ITGB4: variants seen among roughly 807,000 people sequenced by gnomAD.
ITGB4 encodes the protein integrin subunit beta 4, also known as integrin beta-4.
In ITGB4, 159 loss-of-function variants were observed where a neutral mutation model predicts 207.6. The ratio of observed to expected loss-of-function variants is 0.77; its 90% CI spans 0.67 to 0.87. ITGB4 has a LOEUF of 0.87. ITGB4 is among the 40% of genes least tolerant of loss of function. ITGB4 has a pLI of 0.00. For synonymous variants in ITGB4, 1,020 were observed against 1,062.7 expected, an observed-to-expected ratio of 0.96 and a Z score of 0.78; for missense variants, 2,278 against 2,546.8, an observed-to-expected ratio of 0.89 and a Z score of 2.27.
In ITGB4 at chr17:75,742,329, C is replaced by T. The variant is rs1272917294; in HGVS notation, c.2634-12C>T. 3.7e-6 allele frequency: 6 copies of T among 1,613,118 alleles called. No individual in the cohort carries two copies. The highest frequency in any genetic ancestry group is 2.2e-5 in the South Asian group (2 of 91,082). ...ACCCCTCCGCTGCCTGAACCTTCCACCCTCGACCCAGGCAAGACCACACCA... is the reference window on the plus strand; with the variant it reads ...ACCCCTCCGCTGCCTGAACCTTCCATCCTCGACCCAGGCAAGACCACACCA... On this transcript the variant is annotated splice_polypyrimidine_tract_variant and intron_variant, in intron 23 of 39. Coordinates refer to ENST00000200181, the MANE Select transcript of ITGB4 (RefSeq NM_000213.5). This position sits in a 1 kb window ranked among gnomAD's most constrained non-coding sequence, Gnocchi z 5.9.
At chr17:75,737,886 C>A (rs1316028633) in intron 18 of ITGB4, among the ~76,000 whole-genome samples, 1 of 151,790 alleles carries the variant, frequency 6.6e-6, no homozygotes, top group African/African-American at 2.4e-5. Flanking sequence ...ACCAGGGTCC[C>A]CTCTCTGACA....
chr17:75,736,392 G>A lies in ITGB4; in HGVS notation c.1860+6G>A. 6.2e-7 allele frequency: 1 copy of A among 1,613,962 alleles called. No homozygotes were observed. The highest frequency in any genetic ancestry group is 8.5e-7 in the Non-Finnish European group (1 of 1,179,840). On this transcript the variant is annotated splice_donor_region_variant and intron_variant, in intron 15 of 39. Transcript: ENST00000200181. ...GCGAGATCAACTACTCGGCGGTGAG[G>A]CTAAGACCTACGAGGTGTGGGCGTG... is the stretch of plus-strand genomic sequence containing the variant.
In ITGB4 at chr17:75,750,853, C is replaced by T; in HGVS notation, c.3648C>T (p.His1216=). 6.2e-7 allele frequency: 1 copy of T among 1,613,442 alleles called. No individual in the cohort carries two copies. Among genetic ancestry groups the T allele is most frequent in the Non-Finnish European group, 8.5e-7 (1 of 1,180,022 alleles). The change falls in exon 29 of 40, where the codon CAC becomes CAT. Residue 1216 remains histidine (H), a synonymous_variant. Transcript: ENST00000200181. The surrounding 1 kb of genome is among the most constrained non-coding windows in gnomAD (Gnocchi z 5.5). ...GCTCCCTGGTGTCCTGCCGCACCCACCAGGAAGGTGAGGCCTCGCCATGTC... is the reference window on the plus strand; with the variant it reads ...GCTCCCTGGTGTCCTGCCGCACCCATCAGGAAGGTGAGGCCTCGCCATGTC... ...PYSSLVSCRT[H]QEVPSEPGRL...
intron 13 of ITGB4, among the ~76,000 whole-genome samples, chr17:75,735,691 G>A (rs922700564): frequency 3.9e-5 from 6 of 152,196 alleles, no homozygotes; most frequent in South Asian, 2.1e-4. Context: ...GATTACAGGC[G>A]TGAGCCACCT....
rs2061137367 is a variant in ITGB4 at position 75,742,575 on chromosome 17, C to T, written c.2783-7C>T. 1 of 1,613,892 alleles carries T rather than the reference C, an allele frequency of 6.2e-7. No homozygotes were observed. Among genetic ancestry groups the T allele is most frequent in the East Asian group, 2.2e-5 (1 of 44,876 alleles). On this transcript the variant is annotated splice_polypyrimidine_tract_variant and splice_region_variant and intron_variant, in intron 24 of 39. Coordinates refer to ENST00000200181, the MANE Select transcript of ITGB4 (RefSeq NM_000213.5). The surrounding 1 kb of genome is among the most constrained non-coding windows in gnomAD (Gnocchi z 5.9). ...CCACCTCTGACCACCTCCGAACCCC[C>T]ACCCAGACGCCCGGGGCATGGTGGA...
In ITGB4 at chr17:75,756,757, G is replaced by A; in HGVS notation, c.4951G>A (p.Ala1651Thr). The A allele has an allele frequency of 6.2e-7, 1 of 1,613,030 alleles. No homozygotes were observed. The highest frequency in any genetic ancestry group is 8.5e-7 in the Non-Finnish European group (1 of 1,180,028). ...PSAPGPLVFT[A>T]LSPDSLQLSW... ...TGCCCCAGGCCCGCTGGTGTTCACT[G>A]CCCTGAGCCCAGACTCGCTGCAGCT... The change falls in exon 37 of 40, where the codon GCC becomes ACC. Residue 1651 changes from alanine (A) to threonine (T), a missense_variant. By Grantham distance (58) the Ala-to-Thr change is moderately conservative. Coordinates refer to ENST00000200181, the MANE Select transcript of ITGB4 (RefSeq NM_000213.5).
Position 75,750,736 on chromosome 17 carries a change from G to A in ITGB4, c.3531G>A (p.Lys1177=), listed in dbSNP as rs1048401717. ...CCGAAGCCCACCTGCTCGACAGCAA[G>A]GTGCCCTCAGTGGAGCTCACCAACC... The part of the protein sequence containing the change: ...SESEAHLLDS[K]VPSVELTNLY... The change falls in exon 29 of 40, where the codon AAG becomes AAA. Residue 1177 remains lysine (K), a synonymous_variant. Transcript: ENST00000200181. This position sits in a 1 kb window ranked among gnomAD's most constrained non-coding sequence, Gnocchi z 5.5. The A allele has an allele frequency of 1.2e-6, 2 of 1,613,508 alleles. No homozygotes were observed. The highest frequency in any genetic ancestry group is 1.7e-6 in the Non-Finnish European group (2 of 1,180,008).
In ITGB4 at chr17:75,722,584, C is replaced by T. The variant is rs2148443739; in HGVS notation, c.-11+972C>T. ...ACAGAACAGCCAAGGGCCTGGGGTC[C>T]CCAGACTTCTGGCCAGCTGCCTCTC... On this transcript the variant is annotated intron_variant, in intron 1 of 39. Transcript: ENST00000200181. The surrounding 1 kb of genome is among the most constrained non-coding windows in gnomAD (Gnocchi z 6.2). 6.6e-6 allele frequency among the ~76,000 whole-genome samples: 1 copy of T among 152,268 alleles called. No individual in the cohort carries two copies. The highest frequency in any genetic ancestry group is 2.1e-4 in the South Asian group (1 of 4,822).
intron 1 of ITGB4, among the ~76,000 whole-genome samples, chr17:75,723,163 C>T (rs1207799446): frequency 1.3e-5 from 2 of 152,186 alleles, no homozygotes; most frequent in Non-Finnish European, 1.5e-5. Context: ...TCCTGGCCCT[C>T]CCAGTGCTGT....
At chr17:75,728,551 A>T in intron 6 of ITGB4, 78 bp downstream of exon 6, 1 of 1,185,002 alleles carries the variant, frequency 8.4e-7, no homozygotes, top group Non-Finnish European at 1.3e-6. Context: ...CCCACAACTT[A>T]AAATTATCCT....
chr17:75,733,816 C>G, intron 13 of ITGB4, 124 bp downstream of exon 13: 1 of 1,130,498 alleles, frequency 8.8e-7, no homozygotes, highest in Admixed American at 2.0e-5. Flanking sequence ...AGTTCAGGCC[C>G]AGCCCACTCT....
chr17:75,725,162 C>G (rs1268653159), intron 2 of ITGB4, among the ~76,000 whole-genome samples: 1 of 152,228 alleles, frequency 6.6e-6, no homozygotes, highest in Non-Finnish European at 1.5e-5. Flanking sequence ...GGACAAATCA[C>G]TGGAGCCAGC....
chr17:75,729,247 C>G lies in ITGB4; in HGVS notation c.567-18C>G. 1 of 1,612,798 alleles carries G rather than the reference C, an allele frequency of 6.2e-7. No homozygotes were observed. On this transcript the variant is annotated intron_variant, in intron 6 of 39. Coordinates refer to ENST00000200181, the MANE Select transcript of ITGB4 (RefSeq NM_000213.5). The surrounding 1 kb of genome is among the most constrained non-coding windows in gnomAD (Gnocchi z 4.4). Reference sequence around the variant, plus strand: ...TCTTCCCCCTGTGACACTCTCTCTCCCTCCCACCTCTGCCCAGGCTGAAGG... The same window carrying G: ...TCTTCCCCCTGTGACACTCTCTCTCGCTCCCACCTCTGCCCAGGCTGAAGG...
At chr17:75,724,809 C>T in intron 2 of ITGB4, 27 bp downstream of exon 2, 1 of 1,592,982 alleles carries the variant, frequency 6.3e-7, no homozygotes, top group Non-Finnish European at 8.6e-7. Flanking sequence ...CTGCAGCCCC[C>T]TCCTGGCAGG....
In ITGB4 at chr17:75,756,723, C is replaced by T; in HGVS notation, c.4917C>T (p.Ser1639=). The T allele has an allele frequency of 6.2e-7, 1 of 1,613,240 alleles. No homozygotes were observed. The highest frequency in any genetic ancestry group is 2.2e-5 in the East Asian group (1 of 44,890). The change falls in exon 37 of 40, where the codon AGC becomes AGT. Residue 1639 remains serine (S), a synonymous_variant. Transcript: ENST00000200181. The part of the protein sequence containing the change: ...CPLPGSAFTL[S]TPSAPGPLVF... ...CCCCAGGCTCCGCCTTCACTTTGAG[C>T]ACTCCCAGTGCCCCAGGCCCGCTGG...
chr17:75,727,821 T>C lies in ITGB4; in HGVS notation c.435T>C (p.Asp145=). ...ACTTCTCCAACTCCATGTCCGATGATCTGGACAACCTCAAGAAGATGGGGC... is the reference window on the plus strand; with the variant it reads ...ACTTCTCCAACTCCATGTCCGATGACCTGGACAACCTCAAGAAGATGGGGC... ...LMDFSNSMSD[D]LDNLKKMGQN... is the part of the protein sequence containing the mutation. The change falls in exon 5 of 40, where the codon GAT becomes GAC. Residue 145 remains aspartate (D), a synonymous_variant. Coordinates refer to ENST00000200181, the MANE Select transcript of ITGB4 (RefSeq NM_000213.5). This position sits in a 1 kb window ranked among gnomAD's most constrained non-coding sequence, Gnocchi z 6.0. 1 of 1,613,866 alleles carries C rather than the reference T, an allele frequency of 6.2e-7. No homozygotes were observed. Among genetic ancestry groups the C allele is most frequent in the Non-Finnish European group, 8.5e-7 (1 of 1,179,926 alleles).
intron 38 of ITGB4, 33 bp from the exon 39 acceptor site, chr17:75,757,166 AC>A: frequency 6.2e-7 from 1 of 1,611,754 alleles, no homozygotes; most frequent in Non-Finnish European, 8.5e-7. Context: ...TCCTTCTGGC[AC>A]CACCCTCTGA....
At chr17:75,743,325 C>T (rs904820974) in intron 25 of ITGB4, among the ~76,000 whole-genome samples, 4 of 152,218 alleles carry the variant, frequency 2.6e-5, no homozygotes, top group African/African-American at 9.6e-5. Context: ...CGCTGCCTCC[C>T]AGGTTGAAGT....
chr17:75,749,199 G>A (rs1375656192), intron 27 of ITGB4, among the ~76,000 whole-genome samples, 154 bp downstream of exon 27: 3 of 152,260 alleles, frequency 2.0e-5, no homozygotes, highest in Middle Eastern at 3.4e-3. Flanking sequence ...GGATAAGTAT[G>A]TCCCATGCAA....
Sources: allele counts gnomAD v4.1 joint callset (sites outside exome capture counted in the v4.1 genomes callset), GRCh38; gene constraint gnomAD v4.1.1; non-coding constraint Gnocchi (gnomAD v3.1); transcripts MANE v1.5; gene names NCBI Gene and HGNC (gene_info 2026-07-23, HGNC 2026-07-21).